Variants in PDS5B observed in about 807,000 individuals in gnomAD.
The protein encoded by PDS5B is PDS5 cohesin associated factor B.
A neutral mutation model predicts 184.1 loss-of-function variants in PDS5B; 51 were observed. The observed-to-expected ratio is 0.28, with a 90% CI of 0.22 to 0.35. The LOEUF (loss-of-function observed/expected upper bound fraction) is 0.35, where lower values mean the gene tolerates loss of function less well. Ranked by LOEUF, PDS5B falls within the 10% of genes least tolerant of loss-of-function variation. The probability of loss-of-function intolerance (pLI) is 1.00; values close to 1 mark genes in which losing one functional copy is unlikely to be tolerated. For synonymous variants in PDS5B, 566 were observed against 569.2 expected (o/e 0.99, Z 0.08); for missense variants, 1,180 against 1,723.3 (o/e 0.68, Z 5.58).
intron 19 of PDS5B, among the ~76,000 whole-genome samples, chr13:32,710,680 A>G (rs139527900): frequency 3.9e-5 from 6 of 152,296 alleles, no homozygotes; most frequent in Non-Finnish European, 8.8e-5. Flanking sequence ...TTCTCTATGT[A>G]TATCTCTTCT....
chr13:32,721,856 G>A lies in PDS5B; in HGVS notation c.2124-10245G>A, dbSNP rs576986494. On this transcript the variant is annotated intron_variant, in intron 19 of 34. Transcript: ENST00000315596. ...GACGGGATGACGGCTGGGAAGAGGCGCTCCTCACTTCCCAGACTGGGTGGC... is the reference window on the plus strand; with the variant it reads ...GACGGGATGACGGCTGGGAAGAGGCACTCCTCACTTCCCAGACTGGGTGGC... 4.0e-5 allele frequency among the ~76,000 whole-genome samples: 6 copies of A among 149,124 alleles called. No individual in the cohort carries two copies. The East Asian group carries it at 6.2e-4, about 15-fold the overall frequency.
chr13:32,635,500 C>T (rs9591197), intron 1 of PDS5B, among the ~76,000 whole-genome samples: 46,225 of 151,056 alleles, frequency 0.31, 8,543 homozygotes, highest in Non-Finnish European at 0.42. Context: ...CGTACCACCA[C>T]GCCCAGCTAA....
At position 32,770,654 on chromosome 13, in the gene PDS5B, A is replaced by G; in HGVS notation, c.4065A>G (p.Arg1355=). The G allele has an allele frequency of 6.2e-7, 1 of 1,609,602 alleles. No homozygotes were observed. The highest frequency in any genetic ancestry group is 2.2e-5 in the East Asian group (1 of 44,550). Residue 1355 remains arginine (R), a splice_region_variant and synonymous_variant, in exon 33 of 35, where the codon AGA becomes AGG. Coordinates refer to ENST00000315596, the MANE Select transcript of PDS5B (RefSeq NM_015032.4). ...QHRVSRRAQQ[R]AESPESSAIE... is the part of the protein sequence containing the mutation. ...CACATTTGGGTCTTCCCCAAAGCAGAGCAGAATCTCCTGAATCTAGTGCAA... is the reference window on the plus strand; with the variant it reads ...CACATTTGGGTCTTCCCCAAAGCAGGGCAGAATCTCCTGAATCTAGTGCAA...
intron 11 of PDS5B, among the ~76,000 whole-genome samples, chr13:32,686,250 T>C (rs766221435): frequency 6.6e-6 from 1 of 152,226 alleles, no homozygotes; most frequent in African/African-American, 2.4e-5. Context: ...TATACACTTA[T>C]TTTAAAAAAA....
chr13:32,591,292 A>G (rs2057771950), intron 1 of PDS5B, among the ~76,000 whole-genome samples: 1 of 151,670 alleles, frequency 6.6e-6, no homozygotes, highest in Admixed American at 6.6e-5. Flanking sequence ...CCATGCCCAG[A>G]TAATTTTTGT....
intron 33 of PDS5B, among the ~76,000 whole-genome samples, chr13:32,771,958 A>T (rs1012385660): frequency 5.3e-5 from 8 of 151,952 alleles, no homozygotes; most frequent in African/African-American, 1.9e-4. Flanking sequence ...AAAAAAAAAA[A>T]ATTGATATGG....
At chr13:32,597,887 A>T (rs2057904984) in intron 1 of PDS5B, among the ~76,000 whole-genome samples, 1 of 151,928 alleles carries the variant, frequency 6.6e-6, no homozygotes, top group Admixed American at 6.6e-5. Context: ...AACATAAAAT[A>T]TGTTTTAAAA....
chr13:32,686,818 T>TC (rs5802652), intron 11 of PDS5B, among the ~76,000 whole-genome samples: 152,300 of 152,302 alleles, frequency 1, 76,149 homozygotes, highest in Non-Finnish European at 1. Flanking sequence ...AGCTTGTTTT[T>TC]CTCACCAATT....
chr13:32,693,393 A>G (rs1038751494), intron 13 of PDS5B, among the ~76,000 whole-genome samples: 1 of 151,878 alleles, frequency 6.6e-6, no homozygotes, highest in Non-Finnish European at 1.5e-5. Flanking sequence ...ATCCAAAGGC[A>G]TTTTTCAAAC....
intron 1 of PDS5B, among the ~76,000 whole-genome samples, chr13:32,607,864 T>G (rs925399653): frequency 2.0e-5 from 3 of 152,188 alleles, no homozygotes; most frequent in African/African-American, 7.2e-5. Context: ...CTGAGCCAGG[T>G]GCGGGATATA....
intron 18 of PDS5B, among the ~76,000 whole-genome samples, chr13:32,707,979 A>G (rs1044816778): frequency 1.3e-5 from 2 of 151,984 alleles, no homozygotes; most frequent in African/African-American, 4.8e-5. Context: ...GTGCCTTGTC[A>G]GTTTACCATT....
At chr13:32,606,581 T>G (rs575517155) in intron 1 of PDS5B, among the ~76,000 whole-genome samples, 4 of 152,320 alleles carry the variant, frequency 2.6e-5, no homozygotes, top group African/African-American at 7.2e-5. Context: ...CTTTGTGGTG[T>G]TCTCTGTATT....
chr13:32,634,577 A>G (rs1593297603), intron 1 of PDS5B, among the ~76,000 whole-genome samples: 1 of 129,522 alleles, frequency 7.7e-6, no homozygotes, highest in African/African-American at 3.1e-5. Flanking sequence ...GTAAGTTTAC[A>G]TTTAACTTTT....
chr13:32,698,867 C>T (rs971771151), intron 15 of PDS5B, among the ~76,000 whole-genome samples: 1 of 152,088 alleles, frequency 6.6e-6, no homozygotes, highest in Non-Finnish European at 1.5e-5. Context: ...AGTTCTCTGC[C>T]TCAGCCTCCC....
At chr13:32,755,627 GATGA>G (rs986387990) in intron 25 of PDS5B, among the ~76,000 whole-genome samples, 3 of 152,102 alleles carry the variant, frequency 2.0e-5, no homozygotes, top group Non-Finnish European at 1.5e-5. Context: ...GAACATGGTA[GATGA>G]ATGAATAGAC....
chr13:32,745,914 G>T (rs1057273480), intron 23 of PDS5B, 63 bp from the exon 24 acceptor site: 1 of 1,313,004 alleles, frequency 7.6e-7, no homozygotes, highest in Non-Finnish European at 1.1e-6. Context: ...AAAATTAGAT[G>T]TACAGAAGAT....
At chr13:32,621,764 T>C (rs1351922871) in intron 1 of PDS5B, among the ~76,000 whole-genome samples, 1 of 152,188 alleles carries the variant, frequency 6.6e-6, no homozygotes, top group Non-Finnish European at 1.5e-5. Context: ...GCTGCCTGCC[T>C]CTTTTTCTAA....
intron 19 of PDS5B, among the ~76,000 whole-genome samples, chr13:32,729,257 C>A (rs1189950159): frequency 6.6e-6 from 1 of 152,136 alleles, no homozygotes; most frequent in Non-Finnish European, 1.5e-5. Flanking sequence ...TCATCCATGT[C>A]CCTGCAAAGG....
At chr13:32,701,300 T>C (rs1951854997) in intron 16 of PDS5B, 23 bp from the exon 17 acceptor site, 3 of 1,200,534 alleles carry the variant, frequency 2.5e-6, no homozygotes, top group Non-Finnish European at 1.2e-6. Flanking sequence ...ACTTTTGTAA[T>C]ACTGAAATAA....
Sources: allele counts gnomAD v4.1 joint callset (sites outside exome capture counted in the v4.1 genomes callset), GRCh38; gene constraint gnomAD v4.1.1; transcripts MANE v1.5; gene names NCBI Gene and HGNC (gene_info 2026-07-23, HGNC 2026-07-21).